Variants in MEIS2 observed in about 807,000 individuals in gnomAD.
MEIS2 encodes Meis homeobox 2, also known as homeobox protein Meis2.
In MEIS2, 9 loss-of-function variants were observed where a neutral mutation model predicts 58.6. The ratio of observed to expected loss-of-function variants is 0.15; its 90% CI spans 0.09 to 0.27. The LOEUF (loss-of-function observed/expected upper bound fraction) is 0.27, where lower values mean the gene tolerates loss of function less well. Ranked by LOEUF, MEIS2 falls within the 10% of genes least tolerant of loss-of-function variation. The pLI is 1.00. For missense variants in MEIS2, 427 were observed against 635.0 expected, an observed-to-expected ratio of 0.67 and a Z score of 3.52; for synonymous variants, 221 against 228.4, an observed-to-expected ratio of 0.97 and a Z score of 0.29.
intron 7 of MEIS2, among the ~76,000 whole-genome samples, chr15:37,045,615 T>G (rs959213395): frequency 2.6e-5 from 4 of 151,944 alleles, no homozygotes; most frequent in South Asian, 2.1e-4. Flanking sequence ...TCACATCAGA[T>G]CAGTTGAGGG....
intron 8 of MEIS2, among the ~76,000 whole-genome samples, chr15:36,962,594 T>C (rs2141434000): frequency 1.3e-5 from 2 of 152,300 alleles, no homozygotes; most frequent in Middle Eastern, 6.8e-3. Flanking sequence ...GTATTTTCAA[T>C]ATGCAATTGG....
chr15:37,069,731 C>T (rs987102045), intron 7 of MEIS2, among the ~76,000 whole-genome samples: 6 of 152,056 alleles, frequency 3.9e-5, no homozygotes, highest in Admixed American at 6.6e-5. Context: ...AGAGAGTCAG[C>T]GAAAAATTTA....
At chr15:36,924,114 A>G (rs779293033) in intron 9 of MEIS2, among the ~76,000 whole-genome samples, 59 of 152,352 alleles carry the variant, frequency 3.9e-4, no homozygotes, top group Non-Finnish European at 7.2e-4. Flanking sequence ...TTTTATGTGT[A>G]CTGTATTTGC....
intron 8 of MEIS2, among the ~76,000 whole-genome samples, chr15:37,010,460 G>A (rs2061105342): frequency 6.6e-6 from 1 of 152,120 alleles, no homozygotes; most frequent in African/African-American, 2.4e-5. Context: ...TTGGCTCACT[G>A]CAACCTGTGC....
chr15:37,099,604 T>G lies in MEIS2; in HGVS notation c.-138A>C, dbSNP rs1894856539. 7.9e-7 allele frequency: 1 copy of G among 1,261,266 alleles called. No homozygotes were observed. The highest frequency in any genetic ancestry group is 1.1e-6 in the Non-Finnish European group (1 of 923,968). The allele number at this position is 1,261,266 out of a possible 1,614,324, so 78.1% of individuals were successfully genotyped here. Reference sequence around the variant, plus strand: ...TTCTCCCAATTCTCCAATATGCTATTTTTTAGGGGGGAAAAAAAGCCCAGT... The same window carrying G: ...TTCTCCCAATTCTCCAATATGCTATGTTTTAGGGGGGAAAAAAAGCCCAGT... On this transcript the variant is annotated 5_prime_UTR_variant, in exon 1 of 12. Transcript: ENST00000561208.
chr15:36,943,454 C>T (rs182595305), intron 9 of MEIS2, among the ~76,000 whole-genome samples: 4 of 152,180 alleles, frequency 2.6e-5, no homozygotes, highest in East Asian at 1.9e-4. Context: ...AAAGGGTCTA[C>T]GTTTTTGGCC....
At chr15:37,081,768 C>T (rs929089834) in intron 7 of MEIS2, among the ~76,000 whole-genome samples, 1 of 151,982 alleles carries the variant, frequency 6.6e-6, no homozygotes, top group Admixed American at 6.6e-5. Context: ...TCTTTAATCC[C>T]GCAGAGACAT....
At position 37,099,736 on chromosome 15, in the gene MEIS2, TCCC is replaced by T; in HGVS notation, c.-273_-271del. On this transcript the variant is annotated 5_prime_UTR_variant, in exon 1 of 12. Coordinates refer to ENST00000561208, the MANE Select transcript of MEIS2 (RefSeq NM_170675.5). ...CTCCTCCTCCTCCACCTCCTCCTCC[TCCC>T]CCCTCCCCTCCTCCTCCTCTTCGGT... 2 of 339,568 alleles carry T rather than the reference TCCC, an allele frequency of 5.9e-6. No homozygotes were observed. Among genetic ancestry groups the T allele is most frequent in the Non-Finnish European group, 1.0e-5 (2 of 194,614 alleles). 21.0% of individuals were successfully genotyped at this position (339,568 alleles called of 1,614,324 possible).
intron 8 of MEIS2, among the ~76,000 whole-genome samples, chr15:37,013,413 A>T (rs1466902886): frequency 1.3e-5 from 2 of 151,906 alleles, no homozygotes; most frequent in Non-Finnish European, 2.9e-5. Flanking sequence ...TCTACTAAAC[A>T]TACAAAAAAT....
At chr15:36,943,971 C>T (rs945251161) in intron 9 of MEIS2, among the ~76,000 whole-genome samples, 3 of 152,050 alleles carry the variant, frequency 2.0e-5, no homozygotes, top group African/African-American at 7.2e-5. Context: ...GTACTCCCAT[C>T]TCTACAAGAT....
At chr15:36,994,041 A>G (rs1324609467) in intron 8 of MEIS2, among the ~76,000 whole-genome samples, 1 of 152,188 alleles carries the variant, frequency 6.6e-6, no homozygotes, top group Non-Finnish European at 1.5e-5. Flanking sequence ...AAAAAAAAGT[A>G]TGCACATCTC....
chr15:37,094,432 C>A, intron 5 of MEIS2, 95 bp downstream of exon 5: 2 of 1,209,182 alleles, frequency 1.7e-6, no homozygotes, highest in South Asian at 2.8e-5. Flanking sequence ...TCCAGGTGCT[C>A]AATCCCTCAC....
At chr15:37,007,978 A>C (rs1372345081) in intron 8 of MEIS2, among the ~76,000 whole-genome samples, 3 of 152,232 alleles carry the variant, frequency 2.0e-5, no homozygotes, top group African/African-American at 7.2e-5. Flanking sequence ...TAAGAAATAC[A>C]AGGGTAGGCT....
intron 8 of MEIS2, among the ~76,000 whole-genome samples, chr15:36,978,082 G>A (rs2059816795): frequency 6.6e-6 from 1 of 152,146 alleles, no homozygotes; most frequent in Admixed American, 6.5e-5. Flanking sequence ...TGGATTAAAT[G>A]TACCTCCTCT....
chr15:37,026,919 G>C (rs2141696028), intron 8 of MEIS2, among the ~76,000 whole-genome samples: 1 of 152,244 alleles, frequency 6.6e-6, no homozygotes, highest in African/African-American at 2.4e-5. Context: ...ACTTAAATTT[G>C]TTCTGGCAGA....
intron 9 of MEIS2, among the ~76,000 whole-genome samples, chr15:36,942,146 G>A (rs1478942150): frequency 1.3e-5 from 2 of 152,154 alleles, no homozygotes; most frequent in African/African-American, 2.4e-5. Flanking sequence ...TTCTGGATGA[G>A]GGCTGGGAGT....
intron 6 of MEIS2, among the ~76,000 whole-genome samples, chr15:37,089,095 C>A (rs530971755): frequency 6.7e-6 from 1 of 148,654 alleles, no homozygotes; most frequent in South Asian, 2.1e-4. Flanking sequence ...GCAGCAGCAA[C>A]ACAACAGAAA....
At chr15:36,969,321 C>T (rs542168823) in intron 8 of MEIS2, among the ~76,000 whole-genome samples, 1 of 152,330 alleles carries the variant, frequency 6.6e-6, no homozygotes, top group South Asian at 2.1e-4. Flanking sequence ...TTTGTCTCTT[C>T]AGAAAACCAC....
At chr15:36,975,989 AT>A (rs1326185695) in intron 8 of MEIS2, among the ~76,000 whole-genome samples, 7 of 152,208 alleles carry the variant, frequency 4.6e-5, no homozygotes, top group African/African-American at 1.7e-4. Flanking sequence ...TACAATTTTT[AT>A]TTGTCAATTA....
Sources: allele counts gnomAD v4.1 joint callset (sites outside exome capture counted in the v4.1 genomes callset), GRCh38; gene constraint gnomAD v4.1.1; transcripts MANE v1.5; gene names NCBI Gene and HGNC (gene_info 2026-07-23, HGNC 2026-07-21).